Variants in NUDT22 observed in about 807,000 individuals in gnomAD.
The protein encoded by NUDT22 is uridine diphosphate glucose pyrophosphatase NUDT22.
NUDT22 carries 23 observed loss-of-function variants against 28.8 expected under a neutral mutation model. That is an observed-to-expected ratio of 0.80 (90% CI 0.58 to 1.13). The LOEUF is 1.13. Ranked by LOEUF, NUDT22 falls within the 50% of genes most tolerant of loss-of-function variation. The pLI is 0.00. For missense variants in NUDT22, 358 were observed against 387.3 expected (o/e 0.92, Z 0.64); for synonymous variants, 175 against 173.7 (o/e 1.01, Z -0.06).
At chr11:64,227,875 CTT>C (rs1156407258) in intron 3 of NUDT22, 1,567 of 448,668 alleles carry the variant, frequency 3.5e-3, no homozygotes, top group East Asian at 5.0e-3. Flanking sequence ...TTTTTTCTTT[CTT>C]TTTTTTTTTT....
chr11:64,227,904 C>G (rs559038607), intron 3 of NUDT22: 31 of 466,494 alleles, frequency 6.6e-5, no homozygotes, highest in South Asian at 6.5e-4. Flanking sequence ...GAGTCTCGCT[C>G]TGTTGCCCAG....
In NUDT22 at chr11:64,226,416, G is replaced by C; in HGVS notation, c.-30G>C. The C allele has an allele frequency of 7.5e-7, 1 of 1,340,064 alleles. No individual in the cohort carries two copies. 83.0% of individuals were successfully genotyped at this position (1,340,064 alleles called of 1,614,324 possible). On this transcript the variant is annotated 5_prime_UTR_variant, in exon 1 of 6. Transcript: ENST00000279206. ...GGGCATTTGGGGCGCCTGAACCCAA[G>C]ACCTCTGGATGGTAGGGATGCCCGG... is the stretch of plus-strand genomic sequence containing the variant.
In NUDT22 at chr11:64,226,797, C is replaced by T; in HGVS notation, c.145C>T (p.Leu49=). 6.2e-7 allele frequency: 1 copy of T among 1,610,488 alleles called. No individual in the cohort carries two copies. The part of the protein sequence containing the change: ...EAITAIWETR[L]KAQPWLFDAP... ...CATCACTGCCATCTGGGAGACCCGG[C>T]TAAAGGCCCAACCCTGGCTCTTCGA... The change falls in exon 2 of 6, where the codon CTA becomes TTA. Residue 49 remains leucine (L), a synonymous_variant. Coordinates refer to ENST00000279206, the MANE Select transcript of NUDT22 (RefSeq NM_032344.4).
rs1565312549 is a variant in NUDT22 at position 64,229,795 on chromosome 11, C to T, written c.772-55C>T. On this transcript the variant is annotated intron_variant, in intron 5 of 5. Coordinates refer to ENST00000279206, the MANE Select transcript of NUDT22 (RefSeq NM_032344.4). The stretch of plus-strand genomic sequence containing the variant: ...TGAGGCTCAGGAATTCTGGGCACAG[C>T]CCTGGCAGGAGAAGTGGCAAGCTTG... 2.5e-6 allele frequency: 4 copies of T among 1,608,298 alleles called. No individual in the cohort carries two copies. In the East Asian group the frequency reaches 8.9e-5, roughly 36 times the overall value.
chr11:64,226,873 G>A lies in NUDT22; in HGVS notation c.221G>A (p.Arg74Gln). The A allele has an allele frequency of 6.2e-7, 1 of 1,605,396 alleles. No homozygotes were observed. The highest frequency in any genetic ancestry group is 8.5e-7 in the Non-Finnish European group (1 of 1,179,918). ...HSATLAPIGS[R>Q]GPQLLLRLGL... ...GCCACCCTGGCGCCTATTGGCTCTC[G>A]GGGGCCACAGCTGCTCCTGCGCCTG... is the stretch of plus-strand genomic sequence containing the variant. Residue 74 changes from arginine (R) to glutamine (Q), a missense_variant, in exon 2 of 6, where the codon CGG becomes CAG. By Grantham distance (43) the Arg-to-Gln change is conservative. Coordinates refer to ENST00000279206, the MANE Select transcript of NUDT22 (RefSeq NM_032344.4).
chr11:64,226,522 T>G (rs1376209453), intron 1 of NUDT22, 95 bp downstream of exon 1: 2 of 1,481,718 alleles, frequency 1.3e-6, no homozygotes, highest in South Asian at 1.4e-5. Flanking sequence ...GTCAGGGGGG[T>G]GGAGAAGCGC....
Position 64,227,006 on chromosome 11 carries a change from G to C in NUDT22, c.354G>C (p.Ala118=). 6.2e-7 allele frequency: 1 copy of C among 1,603,000 alleles called. No individual in the cohort carries two copies. The highest frequency in any genetic ancestry group is 8.5e-7 in the Non-Finnish European group (1 of 1,179,812). Residue 118 remains alanine, a synonymous_variant, in exon 2 of 6, where the codon GCG becomes GCC. Coordinates refer to ENST00000279206, the MANE Select transcript of NUDT22 (RefSeq NM_032344.4). ...TDWGDTQAYL[A]DPLGVGAALA... ...GGGGTGACACGCAGGCCTATCTGGC[G>C]GACCCACTGGGGGTGGGCGCTGCAC...
intron 5 of NUDT22, 73 bp downstream of exon 5, chr11:64,229,644 T>C: frequency 6.9e-7 from 1 of 1,442,044 alleles, no homozygotes; most frequent in East Asian, 2.3e-5. Context: ...GCATATCTTG[T>C]AGGGGAGGTG....
At chr11:64,226,555 G>A in intron 1 of NUDT22, 80 bp from the exon 2 acceptor site, 1 of 1,500,314 alleles carries the variant, frequency 6.7e-7, no homozygotes, top group African/African-American at 1.4e-5. Context: ...CAGGAGGTCT[G>A]CGACAGAGGG....
chr11:64,229,542 T>C lies in NUDT22; in HGVS notation c.742T>C (p.Ser248Pro). The change falls in exon 5 of 6, where the codon TCT becomes CCT. Residue 248 changes from serine (S) to proline (P), a missense_variant. Ser to Pro is a moderately conservative substitution (Grantham distance 74). Transcript: ENST00000279206. The part of the protein sequence containing the change: ...YLSGGPEAHE[S>P]TGIFFVETQN... Reference sequence around the variant, plus strand: ...GAGTGGGGGACCCGAGGCCCACGAGTCTACAGGAATCTTCTTTGTGGAGAC... The same window carrying C: ...GAGTGGGGGACCCGAGGCCCACGAGCCTACAGGAATCTTCTTTGTGGAGAC... 6.2e-7 allele frequency: 1 copy of C among 1,614,012 alleles called. No individual in the cohort carries two copies. The highest frequency in any genetic ancestry group is 8.5e-7 in the Non-Finnish European group (1 of 1,179,956).
At chr11:64,229,134 C>T in intron 3 of NUDT22, 113 bp from the exon 4 acceptor site, 1 of 657,034 alleles carries the variant, frequency 1.5e-6, no homozygotes, top group South Asian at 2.0e-5. Flanking sequence ...CCTTGATCTA[C>T]AAGCTATAAA....
chr11:64,228,965 C>G (rs1004349649), intron 3 of NUDT22: 11 of 380,536 alleles, frequency 2.9e-5, no homozygotes, highest in African/African-American at 1.0e-4. Flanking sequence ...GAGCGAGACT[C>G]CATCTCAAAA....
chr11:64,229,091 A>T (rs1947124468), intron 3 of NUDT22, 156 bp from the exon 4 acceptor site: 1 of 580,816 alleles, frequency 1.7e-6, no homozygotes, highest in Non-Finnish European at 3.0e-6. Flanking sequence ...TAAAACAAAC[A>T]TGCCCATCAT....
chr11:64,229,660 T>TAC, intron 5 of NUDT22, 89 bp downstream of exon 5: 1 of 1,388,738 alleles, frequency 7.2e-7, no homozygotes, highest in Non-Finnish European at 1.0e-6. Flanking sequence ...AGGTGTTGGC[T>TAC]GGGTCACAAT....
intron 1 of NUDT22, 91 bp downstream of exon 1, chr11:64,226,518 G>T: frequency 2.0e-6 from 3 of 1,487,566 alleles, no homozygotes; most frequent in East Asian, 4.6e-5. Flanking sequence ...AGTGGTCAGG[G>T]GGGTGGAGAA....
intron 3 of NUDT22, 34 bp downstream of exon 3, chr11:64,227,700 A>G: frequency 6.4e-7 from 1 of 1,555,974 alleles, no homozygotes; most frequent in Non-Finnish European, 8.9e-7. Context: ...GGTGGTAGAC[A>G]TGAAGGGAGG....
At position 64,226,858 on chromosome 11, in the gene NUDT22, C is replaced by T. The variant is rs750809655; in HGVS notation, c.206C>T (p.Ala69Val). ...PKFRLHSATLAPIGSRGPQLL... is the reference protein window; with the variant it reads ...PKFRLHSATLVPIGSRGPQLL... ...TTCCGCCTGCACTCAGCCACCCTGG[C>T]GCCTATTGGCTCTCGGGGGCCACAG... The change falls in exon 2 of 6, where the codon GCG becomes GTG. Residue 69 changes from alanine (A) to valine (V), a missense_variant. Transcript: ENST00000279206. 3.7e-6 allele frequency: 6 copies of T among 1,607,148 alleles called. No individual in the cohort carries two copies. The highest frequency in any genetic ancestry group is 1.1e-5 in the South Asian group (1 of 91,078).
intron 2 of NUDT22, 126 bp downstream of exon 2, chr11:64,227,258 G>C (rs1947059053): frequency 2.4e-6 from 3 of 1,264,126 alleles, no homozygotes; most frequent in Admixed American, 2.0e-5. Context: ...TATTTCTCTG[G>C]AAGTTTGCTC....
At chr11:64,228,975 A>G (rs1283125781) in intron 3 of NUDT22, 4 of 412,496 alleles carry the variant, frequency 9.7e-6, no homozygotes, top group Non-Finnish European at 1.3e-5. Context: ...CCATCTCAAA[A>G]AAAGAAAAAA....
Sources: allele counts gnomAD v4.1 joint callset, GRCh38; gene constraint gnomAD v4.1.1; transcripts MANE v1.5; gene names NCBI Gene and HGNC (gene_info 2026-07-23, HGNC 2026-07-21).